The following CPA5 variants were observed in gnomAD, a reference collection of about 807,000 sequenced individuals.
CPA5 encodes carboxypeptidase A5.
In CPA5, 38 loss-of-function variants were observed where a neutral mutation model predicts 52.2. That is an observed-to-expected ratio of 0.73 (90% CI 0.56 to 0.95). The LOEUF is 0.95. Among genes scored for constraint, CPA5 ranks in the 40% least tolerant of loss-of-function variants. The probability of loss-of-function intolerance (pLI) is 0.00; values close to 1 mark genes in which losing one functional copy is unlikely to be tolerated. For missense variants in CPA5, 519 were observed against 566.7 expected, an observed-to-expected ratio of 0.92 and a Z score of 0.86; for synonymous variants, 198 against 213.7, an observed-to-expected ratio of 0.93 and a Z score of 0.64.
At chr7:130,361,530 G>T (rs564551080) in intron 7 of CPA5, among the ~76,000 whole-genome samples, 115 of 152,260 alleles carry the variant, frequency 7.6e-4, no homozygotes, top group African/African-American at 2.6e-3. Flanking sequence ...CCTGGACTTG[G>T]GGTGTGAGTG....
At chr7:130,360,402 CCA>C (rs1334544737) in intron 6 of CPA5, among the ~76,000 whole-genome samples, 1 of 152,194 alleles carries the variant, frequency 6.6e-6, no homozygotes, top group African/African-American at 2.4e-5. Flanking sequence ...AAGTTCATGA[CCA>C]CAGTTAGAGC....
At chr7:130,348,990 G>A (rs1487970332) in intron 4 of CPA5, among the ~76,000 whole-genome samples, 2 of 152,192 alleles carry the variant, frequency 1.3e-5, no homozygotes, top group Admixed American at 6.5e-5. Flanking sequence ...TCATCAGACC[G>A]ACTGTCGCGG....
chr7:130,365,044 G>A (rs1554407863), intron 10 of CPA5, among the ~76,000 whole-genome samples: 1 of 152,180 alleles, frequency 6.6e-6, no homozygotes, highest in Non-Finnish European at 1.5e-5. Flanking sequence ...CCTATAGGCT[G>A]GTGTCCCAAC....
downstream of CPA5, among the ~76,000 whole-genome samples, chr7:130,369,507 A>C (rs189194564): frequency 2.8e-4 from 43 of 152,342 alleles, no homozygotes; most frequent in East Asian, 8.3e-3. Flanking sequence ...CTCTGCCCTC[A>C]GGAAGGCAGA....
chr7:130,368,670 C>T lies in CPA5; in HGVS notation c.*73C>T, dbSNP rs192296597. 420 of 1,406,500 alleles carry T rather than the reference C, an allele frequency of 3.0e-4. No homozygotes were observed. The highest frequency in any genetic ancestry group is 3.9e-4 in the Non-Finnish European group (386 of 1,001,850). 87.1% of individuals were successfully genotyped at this position (1,406,500 alleles called of 1,614,324 possible). A position where few individuals can be genotyped will look rare whatever the true frequency, so the allele number is the denominator to read the frequency against. ...GGCTCCTCCCGAAACCCAAGTTATG[C>T]ATCCCCATCCCCATGCCCTCATCCC... is the stretch of plus-strand genomic sequence containing the variant. On this transcript the variant is annotated 3_prime_UTR_variant, in exon 13 of 13. Transcript: ENST00000474905.
chr7:130,356,287 C>T (rs2117371430), intron 5 of CPA5, among the ~76,000 whole-genome samples: 1 of 152,340 alleles, frequency 6.6e-6, no homozygotes, highest in South Asian at 2.1e-4. Flanking sequence ...GGCCCCCATC[C>T]TTCCTTGACT....
intron 4 of CPA5, among the ~76,000 whole-genome samples, chr7:130,348,932 G>A (rs1554403083): frequency 1.3e-5 from 2 of 152,152 alleles, no homozygotes; most frequent in African/African-American, 4.8e-5. Context: ...TCTCGCACCT[G>A]CACGCTGTCC....
chr7:130,360,700 A>C (rs1291929226), intron 6 of CPA5, among the ~76,000 whole-genome samples: 7 of 152,256 alleles, frequency 4.6e-5, no homozygotes, highest in African/African-American at 1.7e-4. Flanking sequence ...AGATAAATAA[A>C]ACAAGAACCC....
chr7:130,364,750 G>A (rs1401351639), intron 10 of CPA5, among the ~76,000 whole-genome samples: 1 of 152,242 alleles, frequency 6.6e-6, no homozygotes, highest in Admixed American at 6.5e-5. Flanking sequence ...TGAGGGGGAG[G>A]GGGCAGCTTT....
chr7:130,361,176 C>G lies in CPA5; in HGVS notation c.466C>G (p.His156Asp), dbSNP rs782062026. Reference sequence around the variant, plus strand: ...CTGGATTGACAACTTTGTAATGGAGCATTCCGATATTGTCTCAAAAATTCA... The same window carrying G: ...CTGGATTGACAACTTTGTAATGGAGGATTCCGATATTGTCTCAAAAATTCA... ...YSWIDNFVME[H>D]SDIVSKIQIG... Residue 156 changes from histidine (H) to aspartate (D), a missense_variant, in exon 7 of 13, where the codon CAT (histidine) becomes GAT (aspartate). Transcript: ENST00000474905. 2 of 1,613,762 alleles carry G rather than the reference C, an allele frequency of 1.2e-6. No individual in the cohort carries two copies. Among genetic ancestry groups the G allele is most frequent in the Admixed American group, 3.3e-5 (2 of 60,010 alleles).
chr7:130,350,129 G>T lies in CPA5; in HGVS notation c.333+20G>T, dbSNP rs377651026. 1.6e-5 allele frequency: 26 copies of T among 1,602,836 alleles called. No homozygotes were observed. The highest frequency in any genetic ancestry group is 2.2e-5 in the Non-Finnish European group (26 of 1,176,368). On this transcript the variant is annotated intron_variant, in intron 5 of 12. Transcript: ENST00000474905. ...ATCCAGGTGAAGCCCTGCCCCAGCT[G>T]GGACCCTGCCTTCCGCCTTCCTTTC...
At chr7:130,346,895 C>CT (rs1554402352) in intron 3 of CPA5, among the ~76,000 whole-genome samples, 2 of 152,168 alleles carry the variant, frequency 1.3e-5, no homozygotes, top group Non-Finnish European at 2.9e-5. Context: ...ACAGGGGCTT[C>CT]TTCGGGGAGG....
intron 4 of CPA5, among the ~76,000 whole-genome samples, chr7:130,348,977 C>T (rs945930619): frequency 6.6e-6 from 1 of 152,206 alleles, no homozygotes; most frequent in Non-Finnish European, 1.5e-5. Context: ...GTGGCCATCT[C>T]GGTCATCAGA....
At chr7:130,363,952 C>T (rs1202302694) in intron 10 of CPA5, among the ~76,000 whole-genome samples, 11 of 152,228 alleles carry the variant, frequency 7.2e-5, no homozygotes, top group African/African-American at 2.7e-4. Context: ...TCCCCGAGAG[C>T]TAGGACCTGA....
At chr7:130,365,938 C>A (rs534234238) in intron 10 of CPA5, among the ~76,000 whole-genome samples, 115 of 152,346 alleles carry the variant, frequency 7.5e-4, no homozygotes, top group African/African-American at 2.5e-3. Context: ...CCTTTCACCC[C>A]CTAGCTCTGC....
chr7:130,357,563 C>T (rs1421940705), intron 5 of CPA5, among the ~76,000 whole-genome samples: 1 of 149,660 alleles, frequency 6.7e-6, no homozygotes, highest in African/African-American at 2.5e-5. Flanking sequence ...GCAGAGGTTG[C>T]GGTGAGGCGA....
intron 9 of CPA5, 120 bp from the exon 10 acceptor site, chr7:130,363,299 C>A: frequency 1.3e-6 from 1 of 761,804 alleles, no homozygotes; most frequent in Admixed American, 2.5e-5. Flanking sequence ...CTGGCAATTC[C>A]TTCCCTTTGC....
chr7:130,352,540 C>A (rs1467989764), intron 5 of CPA5, among the ~76,000 whole-genome samples: 1 of 152,080 alleles, frequency 6.6e-6, no homozygotes. Context: ...GGGCCCCCAC[C>A]CCGATTGGTG....
At chr7:130,370,414 G>A (rs779721014), downstream of CPA5, among the ~76,000 whole-genome samples, 46 of 152,190 alleles carry the variant, frequency 3.0e-4, no homozygotes, top group Non-Finnish European at 5.3e-4. Flanking sequence ...GGAAATTCGA[G>A]GTCATGGGCT....
Sources: allele counts gnomAD v4.1 joint callset (sites outside exome capture counted in the v4.1 genomes callset), GRCh38; gene constraint gnomAD v4.1.1; transcripts MANE v1.5; gene names NCBI Gene and HGNC (gene_info 2026-07-23, HGNC 2026-07-21).